MARCHF3: variants seen among roughly 807,000 people sequenced by gnomAD.
MARCHF3 encodes E3 ubiquitin-protein ligase MARCHF3.
Under a neutral mutation model 24.2 loss-of-function variants are expected in MARCHF3, and 13 were observed. That is an observed-to-expected ratio of 0.54 (90% CI 0.35 to 0.85). MARCHF3 has a LOEUF of 0.85. MARCHF3 is among the 40% of genes least tolerant of loss of function. MARCHF3 has a pLI of 0.01. For missense variants in MARCHF3, 276 were observed against 325.0 expected (o/e 0.85, Z 1.16); for synonymous variants, 144 against 137.3 (o/e 1.05, Z -0.34).
intron 1 of MARCHF3, among the ~76,000 whole-genome samples, chr5:127,016,465 T>G (rs931459030): frequency 4.6e-5 from 7 of 152,174 alleles, no homozygotes; most frequent in African/African-American, 1.7e-4. Context: ...GAACAGATAC[T>G]TCTCAAAAGA....
At position 126,870,570 on chromosome 5, in the gene MARCHF3, C is replaced by A. The variant is rs531337178; in HGVS notation, c.*63G>T. ...GGCTTGGGGGTCGCTCAGTGCATGA[C>A]CCCAGTGCAGACACTTCCAAACCCC... On this transcript the variant is annotated 3_prime_UTR_variant, in exon 5 of 5. Coordinates refer to ENST00000308660, the MANE Select transcript of MARCHF3 (RefSeq NM_178450.5). 8.5e-6 allele frequency: 13 copies of A among 1,533,024 alleles called. No individual in the cohort carries two copies. In the East Asian group the frequency reaches 2.5e-4, roughly 29 times the overall value. The allele number at this position is 1,533,024 out of a possible 1,614,324, so 95.0% of individuals were successfully genotyped here. A position where few individuals can be genotyped will look rare whatever the true frequency, so the allele number is the denominator to read the frequency against.
chr5:126,898,557 A>G (rs1754001807), intron 3 of MARCHF3, among the ~76,000 whole-genome samples: 1 of 152,128 alleles, frequency 6.6e-6, no homozygotes, highest in Admixed American at 6.6e-5. Context: ...TACCAGCTAC[A>G]TAATGCAAAG....
intron 3 of MARCHF3, chr5:126,899,358 G>C (rs552815314): frequency 4.2e-6 from 4 of 956,536 alleles, no homozygotes; most frequent in Non-Finnish European, 5.0e-6. Flanking sequence ...GCAAAATAAG[G>C]TTTACCAATC....
At chr5:126,970,285 G>A (rs941193777) in intron 1 of MARCHF3, among the ~76,000 whole-genome samples, 5 of 151,474 alleles carry the variant, frequency 3.3e-5, no homozygotes, top group African/African-American at 1.2e-4. Context: ...ACAGAGTTTC[G>A]CCATGTTAGC....
At chr5:127,025,707 G>A (rs1186757127) in intron 1 of MARCHF3, among the ~76,000 whole-genome samples, 1 of 152,178 alleles carries the variant, frequency 6.6e-6, no homozygotes, top group Non-Finnish European at 1.5e-5. Flanking sequence ...CACTGACACT[G>A]TAAGCTGGGA....
chr5:127,010,093 C>T (rs1393592133), intron 1 of MARCHF3, among the ~76,000 whole-genome samples: 1 of 152,124 alleles, frequency 6.6e-6, no homozygotes, highest in African/African-American at 2.4e-5. Context: ...GTGCCTAGAC[C>T]ACTCAGGGTT....
intron 1 of MARCHF3, among the ~76,000 whole-genome samples, chr5:126,925,846 ACT>A: frequency 6.6e-6 from 1 of 152,250 alleles, no homozygotes; most frequent in East Asian, 1.9e-4. Flanking sequence ...ATTAAAATGT[ACT>A]CTTCAAATGA....
At chr5:126,910,854 A>G (rs1754496168) in intron 3 of MARCHF3, among the ~76,000 whole-genome samples, 1 of 152,250 alleles carries the variant, frequency 6.6e-6, no homozygotes, top group South Asian at 2.1e-4. Flanking sequence ...GAACAGAGCC[A>G]TATTTCTCTT....
Position 127,005,977 on chromosome 5 carries a change from G to A in MARCHF3, c.-57+24373C>T, listed in dbSNP as rs143326741. On this transcript the variant is annotated intron_variant, in intron 1 of 4. Transcript: ENST00000308660. ...ACCACTTTGGGAGGCCGAGGCGGGC[G>A]GATCACTTGAGGTCAGGAGTTCAAG... Among the ~76,000 whole-genome samples the A allele has an allele frequency of 4.9e-3, 747 of 152,024 alleles. 12 individuals are homozygous for A. The highest frequency in any genetic ancestry group is 0.017 in the African/African-American group (713 of 41,432).
At chr5:126,992,672 G>A (rs1185678428) in intron 1 of MARCHF3, among the ~76,000 whole-genome samples, 1 of 151,672 alleles carries the variant, frequency 6.6e-6, no homozygotes, top group Non-Finnish European at 1.5e-5. Flanking sequence ...TCAGGGTGCT[G>A]ATACGATTAC....
intron 3 of MARCHF3, among the ~76,000 whole-genome samples, chr5:126,896,042 G>A (rs1284503670): frequency 2.6e-5 from 4 of 152,152 alleles, no homozygotes; most frequent in Non-Finnish European, 5.9e-5. Context: ...TCGGAAAAGC[G>A]CAGTATTCCG....
chr5:126,913,944 A>G (rs1417523672), intron 3 of MARCHF3, among the ~76,000 whole-genome samples: 2 of 142,314 alleles, frequency 1.4e-5, no homozygotes, highest in Non-Finnish European at 3.1e-5. Context: ...GGCTTATAAT[A>G]TATTAAAATA....
At chr5:127,017,460 A>T (rs573074178) in intron 1 of MARCHF3, among the ~76,000 whole-genome samples, 1 of 152,362 alleles carries the variant, frequency 6.6e-6, no homozygotes, top group Non-Finnish European at 1.5e-5. Context: ...AACAGAACAT[A>T]AGTTGAAAAT....
At position 126,874,178 on chromosome 5, in the gene MARCHF3, G is replaced by A. The variant is rs537542217; in HGVS notation, c.604-3387C>T. 1.9e-3 allele frequency among the ~76,000 whole-genome samples: 292 copies of A among 152,318 alleles called. 2 individuals are homozygous for A. The highest frequency in any genetic ancestry group is 3.2e-3 in the Non-Finnish European group (216 of 68,016). Reference sequence around the variant, plus strand: ...CTAACTAACCTCCTATCATGGGCAAGTCTGCTGTACAAAGAGTTGTGATCG... The same window carrying A: ...CTAACTAACCTCCTATCATGGGCAAATCTGCTGTACAAAGAGTTGTGATCG... On this transcript the variant is annotated intron_variant, in intron 4 of 4. Transcript: ENST00000308660.
intron 3 of MARCHF3, among the ~76,000 whole-genome samples, chr5:126,912,204 G>C (rs1282826511): frequency 2.0e-5 from 3 of 152,210 alleles, no homozygotes; most frequent in Non-Finnish European, 4.4e-5. Context: ...GCAGAGATAA[G>C]AAAAGGAAGT....
At position 127,018,018 on chromosome 5, in the gene MARCHF3, G is replaced by A. The variant is rs887681025; in HGVS notation, c.-57+12332C>T. 2.0e-5 allele frequency among the ~76,000 whole-genome samples: 3 copies of A among 152,240 alleles called. No individual in the cohort carries two copies. The East Asian group carries it at 5.8e-4, about 29-fold the overall frequency. ...TACAAAACAGGGTCTCTACCTTCAT[G>A]GAGTTTATATTCTAGTAGGGGAGGC... On this transcript the variant is annotated intron_variant, in intron 1 of 4. Transcript: ENST00000308660.
At chr5:126,933,986 T>C (rs1749558986) in intron 1 of MARCHF3, among the ~76,000 whole-genome samples, 1 of 152,214 alleles carries the variant, frequency 6.6e-6, no homozygotes, top group South Asian at 2.1e-4. Context: ...GCCTCTTTTA[T>C]TAGCTTCAAG....
chr5:127,008,552 T>G (rs1752379472), intron 1 of MARCHF3, among the ~76,000 whole-genome samples: 1 of 152,228 alleles, frequency 6.6e-6, no homozygotes, highest in Admixed American at 6.5e-5. Flanking sequence ...ATGGGAGGGA[T>G]ACGATGGGGT....
chr5:126,887,680 T>C (rs553293930), intron 3 of MARCHF3, among the ~76,000 whole-genome samples: 2 of 152,272 alleles, frequency 1.3e-5, no homozygotes, highest in South Asian at 4.1e-4. Flanking sequence ...CACGCAATGC[T>C]CTCCTGCAGT....
Sources: gnomAD v4.1 joint callset for allele counts (sites outside exome capture counted in the v4.1 genomes callset) on GRCh38, gnomAD v4.1.1 for gene constraint, MANE v1.5 for transcripts, NCBI Gene and HGNC (gene_info 2026-07-23, HGNC 2026-07-21) for gene names.